ITPR2: variants seen among roughly 807,000 people sequenced by gnomAD.
ITPR2 encodes inositol 1,4,5-trisphosphate receptor type 2, also known as inositol 1,4,5-trisphosphate-gated calcium channel ITPR2.
In ITPR2, 207 loss-of-function variants were observed where a neutral mutation model predicts 317.1. The observed-to-expected ratio is 0.65, with a 90% CI of 0.58 to 0.73. ITPR2 has a LOEUF of 0.73. ITPR2 is among the 30% of genes least tolerant of loss of function. The pLI is 0.00. For missense variants in ITPR2, 2,613 were observed against 3,284.0 expected (o/e 0.80, Z 4.99); for synonymous variants, 1,156 against 1,149.1 (o/e 1.01, Z -0.12).
intron 1 of ITPR2, among the ~76,000 whole-genome samples, chr12:26,797,155 G>A (rs575384287): frequency 6.6e-6 from 1 of 151,944 alleles, no homozygotes; most frequent in South Asian, 2.1e-4. Flanking sequence ...ATAAAGTTGA[G>A]CTTTAAAAAA....
At chr12:26,643,235 G>A (rs1200429552) in intron 21 of ITPR2, among the ~76,000 whole-genome samples, 1 of 152,198 alleles carries the variant, frequency 6.6e-6, no homozygotes, top group East Asian at 1.9e-4. Context: ...AATGTTTGTT[G>A]TTTTGAAGCT....
chr12:26,621,707 G>A (rs1450152213), intron 25 of ITPR2, among the ~76,000 whole-genome samples: 1 of 151,816 alleles, frequency 6.6e-6, no homozygotes, highest in Admixed American at 6.6e-5. Flanking sequence ...ACATATTCCT[G>A]TAAAACTGCC....
At chr12:26,730,958 T>C (rs1009374450) in intron 2 of ITPR2, among the ~76,000 whole-genome samples, 5 of 152,190 alleles carry the variant, frequency 3.3e-5, no homozygotes, top group Admixed American at 2.6e-4. Context: ...GCTGTATAAA[T>C]AGTTTTGAAA....
intron 34 of ITPR2, among the ~76,000 whole-genome samples, chr12:26,567,633 C>A (rs1171331665): frequency 1.3e-5 from 2 of 151,776 alleles, no homozygotes; most frequent in African/African-American, 4.8e-5. Context: ...GCTTTGTAGA[C>A]AAAGTTTTTT....
At chr12:26,560,462 G>A (rs1415079031) in intron 35 of ITPR2, among the ~76,000 whole-genome samples, 1 of 151,932 alleles carries the variant, frequency 6.6e-6, no homozygotes, top group African/African-American at 2.4e-5. Context: ...CTTCTCCTCT[G>A]CTCTTAAAAT....
chr12:26,471,056 T>C (rs1267059010), intron 45 of ITPR2, among the ~76,000 whole-genome samples: 3 of 152,188 alleles, frequency 2.0e-5, no homozygotes, highest in Admixed American at 6.5e-5. Context: ...TGAAAAGAAT[T>C]AAATATAACC....
At chr12:26,826,907 T>C (rs904829849) in intron 1 of ITPR2, among the ~76,000 whole-genome samples, 19 of 152,172 alleles carry the variant, frequency 1.2e-4, no homozygotes, top group African/African-American at 4.3e-4. Flanking sequence ...TACCTGACCA[T>C]TGGTCAAGTT....
chr12:26,569,885 C>A (rs957112911), intron 34 of ITPR2, among the ~76,000 whole-genome samples: 10 of 152,146 alleles, frequency 6.6e-5, no homozygotes, highest in Non-Finnish European at 1.0e-4. Context: ...AGGGCAGCAT[C>A]CGTCAGAAGT....
In ITPR2 at chr12:26,658,043, A is replaced by T; in HGVS notation, c.1974T>A (p.Ser658Arg). The T allele has an allele frequency of 1.2e-6, 2 of 1,613,404 alleles. No individual in the cohort carries two copies. The highest frequency in any genetic ancestry group is 2.2e-5 in the East Asian group (1 of 44,848). Residue 658 changes from serine (S) to arginine (R), a missense_variant, in exon 17 of 57, where the codon AGT (serine) becomes AGA (arginine). Ser to Arg is a moderately radical substitution (Grantham distance 110). This residue lies in a region of ITPR2 where 817 missense variants were observed against 897.6 expected (regional missense o/e 0.91). Coordinates refer to ENST00000381340, the MANE Select transcript of ITPR2 (RefSeq NM_002223.4). ...GAATGAGAATGTCTGCATTGCCTGG[A>T]CTCAACATAAATTTACAGATGAGTT... ...TQELICKFML[S>R]PGNADILIQT...
intron 20 of ITPR2, among the ~76,000 whole-genome samples, chr12:26,654,532 G>A (rs1269921484): frequency 6.6e-6 from 1 of 152,112 alleles, no homozygotes; most frequent in Non-Finnish European, 1.5e-5. Context: ...CTTGTGGATC[G>A]CACAGGACAT....
chr12:26,655,916 C>G, intron 19 of ITPR2, 64 bp from the exon 20 acceptor site: 1 of 1,458,340 alleles, frequency 6.9e-7, no homozygotes, highest in East Asian at 2.3e-5. Context: ...AATAGGAAAA[C>G]ACACGTAGTT....
chr12:26,449,540 T>C (rs1452141736), intron 45 of ITPR2, among the ~76,000 whole-genome samples: 2 of 152,154 alleles, frequency 1.3e-5, no homozygotes, highest in South Asian at 4.1e-4. Context: ...ATGATAGACA[T>C]GTAATTAATA....
intron 52 of ITPR2, chr12:26,400,560 G>A (rs1254637108): frequency 6.3e-6 from 1 of 158,584 alleles, no homozygotes; most frequent in Admixed American, 6.4e-5. Flanking sequence ...ACTTTTGGAA[G>A]TCACACAGCA....
intron 45 of ITPR2, among the ~76,000 whole-genome samples, chr12:26,469,052 A>C (rs1186722255): frequency 6.6e-6 from 1 of 152,186 alleles, no homozygotes; most frequent in Non-Finnish European, 1.5e-5. Flanking sequence ...CACCTCTTCC[A>C]AGAAGCTCTC....
intron 1 of ITPR2, among the ~76,000 whole-genome samples, chr12:26,811,573 G>A (rs982815639): frequency 3.3e-5 from 5 of 151,852 alleles, no homozygotes; most frequent in African/African-American, 4.8e-5. Context: ...TGTACTCCCA[G>A]CTACTCGGGA....
intron 37 of ITPR2, among the ~76,000 whole-genome samples, chr12:26,541,513 A>T (rs564874766): frequency 1.3e-5 from 2 of 152,308 alleles, no homozygotes; most frequent in African/African-American, 4.8e-5. Flanking sequence ...TGATAATAAA[A>T]CTAAAATGTG....
At position 26,631,850 on chromosome 12, in the gene ITPR2, C is replaced by T. The variant is rs758698245; in HGVS notation, c.2934+16G>A. 28 of 1,609,710 alleles carry T rather than the reference C, an allele frequency of 1.7e-5. No homozygotes were observed. The highest frequency in any genetic ancestry group is 2.3e-5 in the Non-Finnish European group (27 of 1,177,222). ...AAATTACATCTTTGTCACCTAGCTT[C>T]TGTTAGGCAACACACCTGCAAAATC... On this transcript the variant is annotated intron_variant, in intron 22 of 56. Transcript: ENST00000381340.
intron 1 of ITPR2, chr12:26,801,197 G>T: frequency 6.4e-6 from 1 of 157,350 alleles, no homozygotes; most frequent in South Asian, 1.9e-4. Flanking sequence ...ACCAAGGCAT[G>T]GACGTGGACA....
chr12:26,555,615 A>G (rs140014092), intron 36 of ITPR2, among the ~76,000 whole-genome samples: 2 of 152,334 alleles, frequency 1.3e-5, no homozygotes, highest in East Asian at 3.9e-4. Context: ...TAAACATATC[A>G]GCTATAATAG....
Sources: gnomAD v4.1 joint callset for allele counts (sites outside exome capture counted in the v4.1 genomes callset) on GRCh38, gnomAD v4.1.1 for gene constraint, gnomAD v4.1.1 regional missense constraint, MANE v1.5 for transcripts, NCBI Gene and HGNC (gene_info 2026-07-23, HGNC 2026-07-21) for gene names.